The following NEDD9 variants were observed in gnomAD, a reference collection of about 807,000 sequenced individuals.
NEDD9 encodes neural precursor cell expressed, developmentally down-regulated 9, also known as enhancer of filamentation 1.
NEDD9 carries 26 observed loss-of-function variants against 76.6 expected under a neutral mutation model. The observed-to-expected ratio is 0.34, with a 90% CI of 0.25 to 0.47. The LOEUF (loss-of-function observed/expected upper bound fraction) is 0.47. Ranked by LOEUF, NEDD9 falls within the 20% of genes least tolerant of loss-of-function variation. NEDD9 has a pLI of 1.00. For synonymous variants in NEDD9, 392 were observed against 414.2 expected, an observed-to-expected ratio of 0.95 and a Z score of 0.65; for missense variants, 937 against 1,058.5, an observed-to-expected ratio of 0.89 and a Z score of 1.59.
intron 1 of NEDD9, among the ~76,000 whole-genome samples, chr6:11,216,478 T>C (rs1231526992): frequency 2.0e-5 from 3 of 152,236 alleles, no homozygotes; most frequent in African/African-American, 7.2e-5. Flanking sequence ...TTGGCAGCGA[T>C]GGAAAGAGAA....
chr6:11,203,359 G>C (rs1233556777), intron 2 of NEDD9, among the ~76,000 whole-genome samples: 2 of 152,214 alleles, frequency 1.3e-5, no homozygotes, highest in East Asian at 3.8e-4. Flanking sequence ...ATCTAGATTG[G>C]GAAATGGATT....
chr6:11,337,761 AG>A (rs1249913936), intron 1 of NEDD9, among the ~76,000 whole-genome samples: 1 of 152,148 alleles, frequency 6.6e-6, no homozygotes, highest in Non-Finnish European at 1.5e-5. Flanking sequence ...ATGGATGGGG[AG>A]GGAAGAGCAG....
chr6:11,368,505 G>T (rs149764569), intron 1 of NEDD9, among the ~76,000 whole-genome samples: 2,163 of 152,262 alleles, frequency 0.014, 14 homozygotes, highest in Middle Eastern at 0.041. Flanking sequence ...CTTGGAAAAA[G>T]TTCCATGCTG....
rs527384497 is a variant in NEDD9 at position 11,343,344 on chromosome 6, G to A, written c.-213-8783C>T. ...CTCAGGAGGCTGAGGCAGGAGAATTGCTTGAATCTGGGAGGCAGAGGTTGC... is the reference window on the plus strand; with the variant it reads ...CTCAGGAGGCTGAGGCAGGAGAATTACTTGAATCTGGGAGGCAGAGGTTGC... On this transcript the variant is annotated intron_variant, in intron 1 of 3. Transcript: ENST00000397378. Among the ~76,000 whole-genome samples the A allele has an allele frequency of 4.1e-4, 62 of 152,112 alleles. 1 individual carries two copies. Among genetic ancestry groups the A allele is most frequent in the Non-Finnish European group, 7.4e-4 (50 of 67,970 alleles).
intron 3 of NEDD9, among the ~76,000 whole-genome samples, chr6:11,273,488 C>T (rs181561602): frequency 5.1e-4 from 78 of 152,324 alleles, no homozygotes; most frequent in African/African-American, 1.6e-3. Flanking sequence ...CAAGTGCCAC[C>T]GATGCTGAGG....
chr6:11,343,032 G>A (rs1241048824), intron 1 of NEDD9, among the ~76,000 whole-genome samples: 1 of 151,982 alleles, frequency 6.6e-6, no homozygotes, highest in Non-Finnish European at 1.5e-5. Context: ...GGTAGTGGAT[G>A]TATACATTAG....
chr6:11,362,528 C>T (rs1420235866), intron 1 of NEDD9, among the ~76,000 whole-genome samples: 8 of 152,184 alleles, frequency 5.3e-5, no homozygotes. Context: ...AGCTTCACAT[C>T]TTATTTTTTT....
At chr6:11,192,582 A>T in intron 3 of NEDD9, 136 bp from the exon 4 acceptor site, 1 of 576,906 alleles carries the variant, frequency 1.7e-6, no homozygotes, top group South Asian at 2.2e-5. Context: ...TCCATGTTAT[A>T]ACAGATTTAT....
rs536420359 is a variant in NEDD9, at chr6:11,241,565, G to A, written c.13-27838C>T. On this transcript the variant is annotated intron_variant, in intron 3 of 3. Coordinates refer to the NEDD9 transcript ENST00000397378. The surrounding 1 kb of genome is among the most constrained non-coding windows in gnomAD (Gnocchi z 4.0). Reference sequence around the variant, plus strand: ...CATTCTCCAGCGCACACTGGCCTCCGGAAGCCATCTTCCACACCAGCCATC... The same window carrying A: ...CATTCTCCAGCGCACACTGGCCTCCAGAAGCCATCTTCCACACCAGCCATC... Among the ~76,000 whole-genome samples, 93 of 152,258 alleles carry A rather than the reference G, an allele frequency of 6.1e-4. 1 individual carries two copies. The highest frequency in any genetic ancestry group is 1.1e-3 in the Non-Finnish European group (77 of 68,022).
chr6:11,220,821 A>G (rs988014535), intron 1 of NEDD9, among the ~76,000 whole-genome samples: 2 of 152,184 alleles, frequency 1.3e-5, no homozygotes, highest in African/African-American at 4.8e-5. Flanking sequence ...CTCCTTCCCC[A>G]TACTTGAATG....
intron 1 of NEDD9, among the ~76,000 whole-genome samples, chr6:11,364,791 G>A (rs919154780): frequency 3.9e-5 from 6 of 152,162 alleles, no homozygotes; most frequent in East Asian, 3.9e-4. Flanking sequence ...CTAACAAGCA[G>A]AAAGTCCCTG....
In NEDD9 at chr6:11,185,021, T is replaced by G; in HGVS notation, c.*141A>C. 9.1e-7 allele frequency: 1 copy of G among 1,096,296 alleles called. No homozygotes were observed. The highest frequency in any genetic ancestry group is 1.2e-6 in the Non-Finnish European group (1 of 801,008). The allele number at this position is 1,096,296 out of a possible 1,614,324, so 67.9% of individuals were successfully genotyped here. On this transcript the variant is annotated 3_prime_UTR_variant, in exon 7 of 7. Transcript: ENST00000379446. ...CTCCAGCTCCCTGAATTTCTGAAAG[T>G]TGACTGACCCATAAAATGTTAAAAT... is the stretch of plus-strand genomic sequence containing the variant.
intron 3 of NEDD9, among the ~76,000 whole-genome samples, chr6:11,286,343 T>C (rs998496751): frequency 7.2e-5 from 11 of 152,164 alleles, no homozygotes; most frequent in Non-Finnish European, 1.3e-4. Context: ...AATCTGACCA[T>C]AAAATGTGTT....
chr6:11,256,430 CCAAA>C (rs1467877473), intron 3 of NEDD9, among the ~76,000 whole-genome samples: 1 of 152,310 alleles, frequency 6.6e-6, no homozygotes, highest in Admixed American at 6.5e-5. Context: ...GCTGTATTCA[CCAAA>C]CAATTACCAA....
At chr6:11,209,235 C>A (rs1202677667) in intron 2 of NEDD9, among the ~76,000 whole-genome samples, 1 of 152,132 alleles carries the variant, frequency 6.6e-6, no homozygotes, top group Non-Finnish European at 1.5e-5. Flanking sequence ...GTCAAAAGAT[C>A]TTTTATTCAG....
chr6:11,289,516 G>T (rs748822075), intron 3 of NEDD9, among the ~76,000 whole-genome samples: 15 of 152,128 alleles, frequency 9.9e-5, no homozygotes, highest in Non-Finnish European at 2.1e-4. Flanking sequence ...GCAGTGGCGC[G>T]ATCTTGGCTC....
intron 3 of NEDD9, among the ~76,000 whole-genome samples, chr6:11,246,055 G>C (rs1020539139): frequency 6.6e-6 from 1 of 152,032 alleles, no homozygotes; most frequent in African/African-American, 2.4e-5. Flanking sequence ...TTTTTTTCGG[G>C]TGGGGGAGCG....
chr6:11,261,173 C>T (rs1006002525), intron 3 of NEDD9, among the ~76,000 whole-genome samples: 2 of 152,106 alleles, frequency 1.3e-5, no homozygotes, highest in African/African-American at 2.4e-5. Context: ...GTAATAATAA[C>T]GATAATGATG....
chr6:11,321,061 G>C (rs73362884), intron 2 of NEDD9, among the ~76,000 whole-genome samples: 15,418 of 150,432 alleles, frequency 0.1, 1,009 homozygotes, highest in Admixed American at 0.17. Flanking sequence ...GAGAGAGAGA[G>C]AATGAAGGGA....
Sources: allele counts gnomAD v4.1 joint callset (sites outside exome capture counted in the v4.1 genomes callset), GRCh38; gene constraint gnomAD v4.1.1; non-coding constraint Gnocchi (gnomAD v3.1); transcripts MANE v1.5; gene names NCBI Gene and HGNC (gene_info 2026-07-23, HGNC 2026-07-21).